IKBKB-DT: variants seen among roughly 807,000 people sequenced by gnomAD.
IKBKB-DT encodes IKBKB antisense RNA.
intron 1 of IKBKB-DT, among the ~76,000 whole-genome samples, chr8:42,268,426 T>C (rs1373046774): frequency 6.6e-6 from 1 of 151,390 alleles, no homozygotes; most frequent in Non-Finnish European, 1.5e-5. Flanking sequence ...TAAGCCACTG[T>C]GCCTGGCCTA....
intron 1 of IKBKB-DT, among the ~76,000 whole-genome samples, chr8:42,267,810 G>T (rs1431166536): frequency 6.6e-6 from 1 of 152,090 alleles, no homozygotes; most frequent in Non-Finnish European, 1.5e-5. Flanking sequence ...TTGAGCTTAA[G>T]ATAATAAATA....
intron 3 of IKBKB-DT, among the ~76,000 whole-genome samples, chr8:42,252,455 C>T: frequency 6.6e-6 from 1 of 152,188 alleles, no homozygotes; most frequent in East Asian, 1.9e-4. Context: ...GGCAATGAAC[C>T]TCAGGTATTA....
intron 3 of IKBKB-DT, among the ~76,000 whole-genome samples, chr8:42,262,686 G>A (rs960318606): frequency 5.3e-5 from 8 of 151,914 alleles, no homozygotes; most frequent in Non-Finnish European, 7.4e-5. Context: ...TGATCCGCCC[G>A]CCTCGGCCTC....
intron 2 of IKBKB-DT, among the ~76,000 whole-genome samples, chr8:42,264,070 C>G (rs1355763195): frequency 6.6e-6 from 1 of 151,590 alleles, no homozygotes; most frequent in African/African-American, 2.4e-5. Flanking sequence ...CCTTGGTCTC[C>G]CAAAGCGCTG....
intron 3 of IKBKB-DT, among the ~76,000 whole-genome samples, chr8:42,242,176 C>T (rs1294283847): frequency 1.3e-5 from 2 of 152,100 alleles, no homozygotes; most frequent in Non-Finnish European, 1.5e-5. Context: ...GATTGCACCA[C>T]TGCACTCCAG....
At chr8:42,255,050 C>T (rs977495743) in intron 3 of IKBKB-DT, among the ~76,000 whole-genome samples, 1 of 151,374 alleles carries the variant, frequency 6.6e-6, no homozygotes, top group African/African-American at 2.4e-5. Flanking sequence ...AGCTGCCGCC[C>T]TGTCTGGCAA....
chr8:42,251,875 T>C (rs750009481), intron 3 of IKBKB-DT, among the ~76,000 whole-genome samples: 12 of 149,776 alleles, frequency 8.0e-5, no homozygotes, highest in Non-Finnish European at 1.3e-4. Context: ...AATGGAGAGA[T>C]TGTTAGCAGT....
intron 3 of IKBKB-DT, among the ~76,000 whole-genome samples, chr8:42,249,554 G>T (rs1339786911): frequency 6.6e-6 from 1 of 151,868 alleles, no homozygotes; most frequent in African/African-American, 2.4e-5. Flanking sequence ...CTGAGTCTTA[G>T]GATGACATGA....
intron 3 of IKBKB-DT, among the ~76,000 whole-genome samples, chr8:42,253,148 A>G (rs575901599): frequency 5.3e-5 from 8 of 152,336 alleles, no homozygotes; most frequent in African/African-American, 1.9e-4. Flanking sequence ...TAAGACTTCA[A>G]AAGAACCTTG....
intron 1 of IKBKB-DT, chr8:42,270,558 AG>A (rs1158135648): frequency 1.2e-4 from 18 of 152,224 alleles, no homozygotes; most frequent in Admixed American, 1.1e-3. Flanking sequence ...GCACTGTGTA[AG>A]CACTCTATAG....
chr8:42,246,593 T>A (rs145869667), intron 3 of IKBKB-DT, among the ~76,000 whole-genome samples: 120 of 152,332 alleles, frequency 7.9e-4, no homozygotes, highest in African/African-American at 2.8e-3. Context: ...ATCTTAGCTC[T>A]ACGATATCAG....
At chr8:42,259,016 T>C (rs1310008127) in intron 3 of IKBKB-DT, among the ~76,000 whole-genome samples, 1 of 151,870 alleles carries the variant, frequency 6.6e-6, no homozygotes, top group Non-Finnish European at 1.5e-5. Context: ...ATAGCAGTTT[T>C]TCTTTCTTTC....
At chr8:42,263,146 G>A (rs536038322) in intron 3 of IKBKB-DT, among the ~76,000 whole-genome samples, 2 of 151,752 alleles carry the variant, frequency 1.3e-5, no homozygotes, top group African/African-American at 4.8e-5. Flanking sequence ...CAAAGTGCTG[G>A]GATTACAGGT....
intron 3 of IKBKB-DT, among the ~76,000 whole-genome samples, chr8:42,256,444 C>A (rs891791114): frequency 1.3e-5 from 2 of 150,950 alleles, no homozygotes; most frequent in African/African-American, 4.9e-5. Flanking sequence ...TGGTGGCATG[C>A]GCCTGTAATC....
chr8:42,259,530 G>T (rs960486932), intron 3 of IKBKB-DT, among the ~76,000 whole-genome samples: 4 of 152,082 alleles, frequency 2.6e-5, no homozygotes, highest in Non-Finnish European at 4.4e-5. Context: ...CTGACTATAG[G>T]TTACCAAAGA....
chr8:42,254,361 A>C (rs1196064242), intron 3 of IKBKB-DT, among the ~76,000 whole-genome samples: 1 of 152,258 alleles, frequency 6.6e-6, no homozygotes, highest in Non-Finnish European at 1.5e-5. Flanking sequence ...GTAGTGATTA[A>C]TCATATAGGC....
intron 3 of IKBKB-DT, among the ~76,000 whole-genome samples, chr8:42,234,258 A>T (rs1806890074): frequency 6.6e-6 from 1 of 152,172 alleles, no homozygotes; most frequent in Non-Finnish European, 1.5e-5. Context: ...CAGTTTCATG[A>T]CCATCACCTG....
At chr8:42,263,629 A>C (rs756150834) in intron 2 of IKBKB-DT, among the ~76,000 whole-genome samples, 6 of 152,194 alleles carry the variant, frequency 3.9e-5, no homozygotes, top group Non-Finnish European at 7.3e-5. Flanking sequence ...GAAACAAAAC[A>C]AGAACGGTGT....
At chr8:42,248,878 A>C (rs576598387) in intron 3 of IKBKB-DT, among the ~76,000 whole-genome samples, 51 of 152,112 alleles carry the variant, frequency 3.4e-4, no homozygotes, top group Admixed American at 1.0e-3. Flanking sequence ...CCAAAAAAAA[A>C]AAAAAAAACA....
Sources: gnomAD v4.1 joint callset for allele counts (sites outside exome capture counted in the v4.1 genomes callset) on GRCh38, gnomAD v4.1.1 for gene constraint, MANE v1.5 for transcripts, NCBI Gene and HGNC (gene_info 2026-07-23, HGNC 2026-07-21) for gene names.